The following ENOX2 variants were observed in gnomAD, a reference collection of about 807,000 sequenced individuals.
ENOX2 encodes the protein APK1 antigen.
A neutral mutation model predicts 45.0 loss-of-function variants in ENOX2; 36 were observed. The observed-to-expected ratio is 0.80, with a 90% CI of 0.61 to 1.06. The LOEUF (loss-of-function observed/expected upper bound fraction) is 1.06, where lower values mean the gene tolerates loss of function less well. ENOX2 is among the 50% of genes least tolerant of loss of function. The pLI is 0.00. For synonymous variants in ENOX2, 174 were observed against 152.3 expected, an observed-to-expected ratio of 1.14 and a Z score of -1.05; for missense variants, 423 against 462.5, an observed-to-expected ratio of 0.91 and a Z score of 0.78.
At chrX:130,837,914 C>A (rs972903492) in intron 2 of ENOX2, among the ~76,000 whole-genome samples, 1 of 111,905 alleles carries the variant, frequency 8.9e-6, no homozygotes, top group Non-Finnish European at 1.9e-5. Context: ...ACTAAGGATA[C>A]CCTCTGGAGT....
intron 2 of ENOX2, among the ~76,000 whole-genome samples, chrX:130,859,753 A>G (rs988138318): frequency 8.9e-6 from 1 of 112,099 alleles, no homozygotes; most frequent in South Asian, 3.8e-4. Context: ...CAAGAAGACA[A>G]TTAAGACACC....
At chrX:130,669,028 AC>A (rs1196087973) in intron 7 of ENOX2, among the ~76,000 whole-genome samples, 1 of 111,981 alleles carries the variant, frequency 8.9e-6, no homozygotes, top group African/African-American at 3.2e-5. Context: ...GAAAGTCAAA[AC>A]CAATTTCTTA....
chrX:130,745,280 G>A (rs2039074583), intron 3 of ENOX2, among the ~76,000 whole-genome samples: 1 of 112,139 alleles, frequency 8.9e-6, no homozygotes, highest in African/African-American at 3.2e-5. Flanking sequence ...ACTGTCTACT[G>A]TGCTAAATCA....
intron 10 of ENOX2, among the ~76,000 whole-genome samples, chrX:130,652,138 C>T (rs2036419184): frequency 8.9e-6 from 1 of 112,176 alleles, no homozygotes; most frequent in Non-Finnish European, 1.9e-5. Context: ...TATCACTCTA[C>T]TAAAATAGCT....
chrX:130,687,019 A>G (rs2037466795), intron 5 of ENOX2, among the ~76,000 whole-genome samples: 1 of 111,505 alleles, frequency 9.0e-6, no homozygotes, highest in Non-Finnish European at 1.9e-5. Context: ...CCAACTCAGA[A>G]CTGTAGAGGC....
intron 2 of ENOX2, among the ~76,000 whole-genome samples, chrX:130,789,794 C>A (rs2077015549): frequency 8.9e-6 from 1 of 112,068 alleles, no homozygotes; most frequent in African/African-American, 3.2e-5. Flanking sequence ...AGATAATGGC[C>A]AGGCCCTTAA....
At chrX:130,631,652 G>A in intron 12 of ENOX2, 76 bp from the exon 13 acceptor site, 1 of 550,009 alleles carries the variant, frequency 1.8e-6, no homozygotes, top group South Asian at 2.7e-5. Context: ...TACACAACAG[G>A]TAACTTAACA....
At chrX:130,817,600 A>T (rs1569505358) in intron 2 of ENOX2, among the ~76,000 whole-genome samples, 5 of 112,359 alleles carry the variant, frequency 4.5e-5, no homozygotes, top group African/African-American at 6.5e-5. Flanking sequence ...CTTGGGATGC[A>T]AGGCTGATTC....
intron 3 of ENOX2, among the ~76,000 whole-genome samples, chrX:130,768,987 TAAGA>T (rs1043095094): frequency 9.0e-6 from 1 of 111,484 alleles, no homozygotes; most frequent in African/African-American, 3.3e-5. Context: ...GACTTACTCT[TAAGA>T]AAGTTTTAAA....
chrX:130,844,045 C>T (rs1468716677), intron 2 of ENOX2, among the ~76,000 whole-genome samples: 2 of 111,244 alleles, frequency 1.8e-5, no homozygotes, highest in Admixed American at 9.5e-5. Flanking sequence ...GAATTTTGAC[C>T]CAGTACTGTT....
intron 9 of ENOX2, among the ~76,000 whole-genome samples, chrX:130,664,737 C>A (rs2036787277): frequency 8.9e-6 from 1 of 112,202 alleles, no homozygotes; most frequent in Non-Finnish European, 1.9e-5. Context: ...ATACTTTTTT[C>A]ACTTCACCAT....
At chrX:130,780,076 G>A (rs143405906) in intron 3 of ENOX2, among the ~76,000 whole-genome samples, 176 of 111,502 alleles carry the variant, frequency 1.6e-3, no homozygotes, top group African/African-American at 5.4e-3. Context: ...GTATGAGCAC[G>A]GTGGTGAGGT....
intron 2 of ENOX2, among the ~76,000 whole-genome samples, chrX:130,835,420 T>C (rs2077912389): frequency 9.0e-6 from 1 of 111,108 alleles, no homozygotes; most frequent in Non-Finnish European, 1.9e-5. Context: ...GTTAGATGTA[T>C]ACATTCACAC....
chrX:130,842,079 G>C (rs1039444145), intron 2 of ENOX2, among the ~76,000 whole-genome samples: 2 of 112,374 alleles, frequency 1.8e-5, no homozygotes, highest in African/African-American at 6.5e-5. Context: ...ACTAAGTTGG[G>C]TATTACAAAG....
At position 130,688,934 on chromosome X, in the gene ENOX2, A is replaced by T; in HGVS notation, c.182T>A (p.Ile61Asn). Reference protein sequence around the residue: ...MPGLGIVPPPIPPDMPVVKEI... With the variant: ...MPGLGIVPPPNPPDMPVVKEI... ...TTTTACTACTGGCATATCTGGAGGAATTGGTGGAGGTACTATTCCCAAACC... is the reference window on the plus strand; with the variant it reads ...TTTTACTACTGGCATATCTGGAGGATTTGGTGGAGGTACTATTCCCAAACC... Residue 61 changes from isoleucine (I) to asparagine (N), a missense_variant, in exon 5 of 15, where the codon ATT becomes AAT. Physicochemically the swap from Ile to Asn is moderately radical, Grantham distance 149. Around this residue, in one of 5 missense-constraint regions of ENOX2, gnomAD observed 261 missense variants for 306.8 expected, o/e 0.85. Coordinates refer to ENST00000394363, the MANE Select transcript of ENOX2 (RefSeq NM_006375.4). 2 of 1,195,393 alleles carry T rather than the reference A, an allele frequency of 1.7e-6. No homozygotes were observed. Among genetic ancestry groups the T allele is most frequent in the Non-Finnish European group, 2.3e-6 (2 of 880,550 alleles).
At chrX:130,669,740 C>T (rs1013860054) in intron 7 of ENOX2, among the ~76,000 whole-genome samples, 1 of 111,838 alleles carries the variant, frequency 8.9e-6, no homozygotes, top group African/African-American at 3.2e-5. Flanking sequence ...GAGAAAAATG[C>T]CATCCCTTGA....
chrX:130,717,216 A>G (rs2038353621), intron 3 of ENOX2, among the ~76,000 whole-genome samples: 1 of 112,061 alleles, frequency 8.9e-6, no homozygotes, highest in African/African-American at 3.2e-5. Context: ...CCAGAGAGAA[A>G]CCAACGGGTG....
intron 2 of ENOX2, among the ~76,000 whole-genome samples, chrX:130,858,709 T>C (rs2078356682): frequency 8.9e-6 from 1 of 111,760 alleles, no homozygotes; most frequent in Non-Finnish European, 1.9e-5. Context: ...CACTGAGAGA[T>C]ACAATATTTG....
At chrX:130,902,113 G>A (rs1485390630) in intron 1 of ENOX2, among the ~76,000 whole-genome samples, 1 of 111,346 alleles carries the variant, frequency 9.0e-6, no homozygotes, top group Admixed American at 9.5e-5. Context: ...AACTTCCATA[G>A]ATGAACTCAC....
Sources: gnomAD v4.1 joint callset for allele counts (sites outside exome capture counted in the v4.1 genomes callset) on GRCh38, gnomAD v4.1.1 for gene constraint, gnomAD v4.1.1 regional missense constraint, MANE v1.5 for transcripts, NCBI Gene and HGNC (gene_info 2026-07-23, HGNC 2026-07-21) for gene names.